MYT1L: variants seen among roughly 807,000 people sequenced by gnomAD.
MYT1L encodes myelin transcription factor 1-like protein.
MYT1L carries 12 observed loss-of-function variants against 126.7 expected under a neutral mutation model. The observed-to-expected ratio is 0.09, with a 90% CI of 0.06 to 0.15. The LOEUF (loss-of-function observed/expected upper bound fraction) is 0.15, where lower values mean the gene tolerates loss of function less well. Ranked by LOEUF, MYT1L falls within the 10% of genes least tolerant of loss-of-function variation. MYT1L has a pLI of 1.00. For synonymous variants in MYT1L, 541 were observed against 604.2 expected, an observed-to-expected ratio of 0.90 and a Z score of 1.53; for missense variants, 979 against 1,585.2, an observed-to-expected ratio of 0.62 and a Z score of 6.49.
At chr2:2,094,633 G>A (rs1267776679) in intron 3 of MYT1L, among the ~76,000 whole-genome samples, 2 of 152,158 alleles carry the variant, frequency 1.3e-5, no homozygotes, top group African/African-American at 4.8e-5. Context: ...GGACATGGAT[G>A]AAGCTGGAAA....
At chr2:2,018,035 C>G (rs543342349) in intron 4 of MYT1L, among the ~76,000 whole-genome samples, 2 of 152,276 alleles carry the variant, frequency 1.3e-5, no homozygotes, top group South Asian at 4.1e-4. Flanking sequence ...TTATCCTATA[C>G]ACACACAAAC....
intron 8 of MYT1L, among the ~76,000 whole-genome samples, chr2:1,965,044 T>C (rs751907595): frequency 3.3e-5 from 5 of 152,220 alleles, no homozygotes; most frequent in Non-Finnish European, 4.4e-5. Context: ...GAAAATTAAA[T>C]TCACCAGAGT....
At chr2:2,193,860 A>G (rs992223247) in intron 2 of MYT1L, among the ~76,000 whole-genome samples, 10 of 152,112 alleles carry the variant, frequency 6.6e-5, no homozygotes, top group African/African-American at 2.4e-4. Context: ...AGCTGGAGAA[A>G]TTTCTTGAAT....
Position 2,084,407 on chromosome 2 carries a change from G to C in MYT1L, c.-303-30284C>G, listed in dbSNP as rs571311670. On this transcript the variant is annotated intron_variant, in intron 3 of 24. Transcript: ENST00000647738. Reference sequence around the variant, plus strand: ...AAAACAGGATACATCAACAAGTGATGGGATGTCCCTCCCATGATCAGGTTA... The same window carrying C: ...AAAACAGGATACATCAACAAGTGATCGGATGTCCCTCCCATGATCAGGTTA... 1.4e-4 allele frequency among the ~76,000 whole-genome samples: 21 copies of C among 152,352 alleles called. No individual in the cohort carries two copies. In the South Asian group the frequency reaches 4.4e-3, roughly 32 times the overall value.
At chr2:2,319,767 A>G (rs12475822) in intron 1 of MYT1L, among the ~76,000 whole-genome samples, 10,835 of 151,854 alleles carry the variant, frequency 0.071, 519 homozygotes, top group South Asian at 0.1. Context: ...GCATATATAT[A>G]TATATATATA....
intron 4 of MYT1L, among the ~76,000 whole-genome samples, chr2:2,003,104 A>G (rs1025641624): frequency 6.6e-6 from 1 of 152,100 alleles, no homozygotes; most frequent in African/African-American, 2.4e-5. Context: ...CCCCACGGTA[A>G]GCTTACAACT....
At chr2:2,309,893 C>G (rs534863744) in intron 1 of MYT1L, among the ~76,000 whole-genome samples, 17 of 151,838 alleles carry the variant, frequency 1.1e-4, no homozygotes, top group Admixed American at 7.2e-4. Context: ...CACACTCTAC[C>G]CATACTCCAC....
intron 1 of MYT1L, among the ~76,000 whole-genome samples, chr2:2,323,575 A>G (rs1480832998): frequency 6.6e-6 from 1 of 152,252 alleles, no homozygotes; most frequent in East Asian, 1.9e-4. Context: ...CCCATATTGC[A>G]GTAGTACAGT....
At chr2:2,300,535 CAT>C (rs2095766611) in intron 1 of MYT1L, among the ~76,000 whole-genome samples, 1 of 152,202 alleles carries the variant, frequency 6.6e-6, no homozygotes. Context: ...AGGTAATTTA[CAT>C]AGTCACATTC....
chr2:1,935,571 A>C (rs908871864), intron 9 of MYT1L, among the ~76,000 whole-genome samples: 2 of 152,182 alleles, frequency 1.3e-5, no homozygotes, highest in Non-Finnish European at 2.9e-5. Flanking sequence ...TATATTCTGC[A>C]ACTTCTTTAA....
At chr2:1,944,032 G>A (rs2056952209) in intron 8 of MYT1L, among the ~76,000 whole-genome samples, 1 of 152,108 alleles carries the variant, frequency 6.6e-6, no homozygotes, top group African/African-American at 2.4e-5. Context: ...GCTGAAATTG[G>A]CCCAGGCTTG....
chr2:2,056,341 T>C (rs1211533212), intron 3 of MYT1L, among the ~76,000 whole-genome samples: 1 of 152,194 alleles, frequency 6.6e-6, no homozygotes. Context: ...GTTAGAGTAA[T>C]TGCTGGAGGT....
intron 3 of MYT1L, among the ~76,000 whole-genome samples, chr2:2,072,966 G>C (rs1217518286): frequency 6.6e-6 from 1 of 152,096 alleles, no homozygotes; most frequent in Non-Finnish European, 1.5e-5. Flanking sequence ...ACCAAGGTTT[G>C]GGCAGGTTTG....
chr2:2,098,828 C>T (rs1377055720), intron 3 of MYT1L, among the ~76,000 whole-genome samples: 2 of 152,240 alleles, frequency 1.3e-5, no homozygotes, highest in Non-Finnish European at 2.9e-5. Flanking sequence ...GTTTGTGCCA[C>T]ACCCTACGGT....
At chr2:1,841,555 GTT>G (rs1344096954) in intron 19 of MYT1L, 1 of 152,264 alleles carries the variant, frequency 6.6e-6, no homozygotes, top group Non-Finnish European at 1.5e-5. Flanking sequence ...TTTCAAGAAA[GTT>G]GGGAGACTGG....
rs983076790 is a variant in MYT1L at position 2,092,802 on chromosome 2, G to C, written c.-303-38679C>G. Among the ~76,000 whole-genome samples, 5 of 152,188 alleles carry C rather than the reference G, an allele frequency of 3.3e-5. No individual in the cohort carries two copies. The East Asian group carries it at 9.6e-4, about 29-fold the overall frequency. ...CACAGCACTGCACTTGGGGGCTGTT[G>C]TAAGCAGCAAAATCACCAAAAAGTG... On this transcript the variant is annotated intron_variant, in intron 3 of 24. Transcript: ENST00000647738.
In MYT1L at chr2:2,015,096, C is replaced by G. The variant is rs573403968; in HGVS notation, c.-157-17749G>C. On this transcript the variant is annotated intron_variant, in intron 4 of 24. Transcript: ENST00000647738. ...GGGCTGGCACTTGTATCCATAGATA[C>G]CAGGTGTCCTGGTGTGGGATGAATC... Among the ~76,000 whole-genome samples the G allele has an allele frequency of 2.0e-5, 3 of 152,268 alleles. No homozygotes were observed. In the South Asian group the frequency reaches 6.2e-4, roughly 32 times the overall value.
intron 4 of MYT1L, among the ~76,000 whole-genome samples, chr2:2,045,847 A>G (rs928099802): frequency 7.2e-5 from 11 of 152,064 alleles, no homozygotes; most frequent in African/African-American, 2.4e-4. Flanking sequence ...TGGTGTCCCT[A>G]TGTTTGCCAC....
intron 8 of MYT1L, among the ~76,000 whole-genome samples, chr2:1,957,634 C>A (rs1008300688): frequency 1.3e-5 from 2 of 152,132 alleles, no homozygotes; most frequent in Admixed American, 6.6e-5. Flanking sequence ...TATCAGCTGT[C>A]ATCTATCTAT....
Sources: allele counts gnomAD v4.1 joint callset (sites outside exome capture counted in the v4.1 genomes callset), GRCh38; gene constraint gnomAD v4.1.1; transcripts MANE v1.5; gene names NCBI Gene and HGNC (gene_info 2026-07-23, HGNC 2026-07-21).